The following C9orf40 variants were observed in gnomAD, a reference collection of about 807,000 sequenced individuals.
C9orf40 encodes the protein uncharacterized protein C9orf40.
C9orf40 carries 2 observed loss-of-function variants against 7.9 expected under a neutral mutation model. That is an observed-to-expected ratio of 0.25 (90% CI 0.10 to 0.80). C9orf40 has a LOEUF of 0.80. Among genes scored for constraint, C9orf40 ranks in the 30% least tolerant of loss-of-function variants. C9orf40 has a pLI of 0.68. For synonymous variants in C9orf40, 113 were observed against 117.6 expected, an observed-to-expected ratio of 0.96 and a Z score of 0.25; for missense variants, 256 against 268.5, an observed-to-expected ratio of 0.95 and a Z score of 0.33.
rs1832312349 is a variant in C9orf40, at chr9:74,952,341, C to T, written c.271G>A (p.Gly91Ser). 1 of 1,518,124 alleles carries T rather than the reference C, an allele frequency of 6.6e-7. No homozygotes were observed. The highest frequency in any genetic ancestry group is 8.8e-7 in the Non-Finnish European group (1 of 1,141,402). The allele number at this position is 1,518,124 out of a possible 1,614,324, so 94.0% of individuals were successfully genotyped here. A position where few individuals can be genotyped will look rare whatever the true frequency, so the allele number is the denominator to read the frequency against. Residue 91 changes from glycine to serine, a missense_variant, in exon 1 of 2, where the codon GGT becomes AGT. Physicochemically the swap from Gly to Ser is moderately conservative, Grantham distance 56. Coordinates refer to ENST00000376854, the MANE Select transcript of C9orf40 (RefSeq NM_017998.3). This position sits in a 1 kb window ranked among gnomAD's most constrained non-coding sequence, Gnocchi z 5.4. ...AGCGGCGGATCGCCTGTCTCCAGAC[C>T]GTGGTCCTCACGCTCCTGGCCGCTC... is the stretch of plus-strand genomic sequence containing the variant. ...APSGQEREDHGLETGDPPLPP... is the reference protein window; with the variant it reads ...APSGQEREDHSLETGDPPLPP...
In C9orf40 at chr9:74,952,495, C is replaced by G; in HGVS notation, c.117G>C (p.Gly39=). 6.3e-7 allele frequency: 1 copy of G among 1,595,138 alleles called. No homozygotes were observed. The highest frequency in any genetic ancestry group is 1.3e-5 in the African/African-American group (1 of 74,464). The part of the protein sequence containing the change: ...PPPPLWIRPP[G]VAHAGQLLGV... The stretch of plus-strand genomic sequence containing the variant: ...CGAGGAGCTGCCCAGCATGCGCGAC[C>G]CCGGGCGGCCGGATCCAGAGAGGCG... The change falls in exon 1 of 2, where the codon GGG becomes GGC. Residue 39 remains glycine, a synonymous_variant. Transcript: ENST00000376854. The surrounding 1 kb of genome is among the most constrained non-coding windows in gnomAD (Gnocchi z 5.4).
In C9orf40 at chr9:74,948,047, A is replaced by G. The variant is rs748288518; in HGVS notation, c.*1T>C. On this transcript the variant is annotated 3_prime_UTR_variant, in exon 2 of 2. Coordinates refer to ENST00000376854, the MANE Select transcript of C9orf40 (RefSeq NM_017998.3). The stretch of plus-strand genomic sequence containing the variant: ...CAATCCCACTGCTTCGGCTCCTTAC[A>G]TCAGGACTCCATGTCAACCTCAGCC... 19 of 1,613,384 alleles carry G rather than the reference A, an allele frequency of 1.2e-5. No homozygotes were observed. Among genetic ancestry groups the G allele is most frequent in the African/African-American group, 1.3e-5 (1 of 75,010 alleles).
rs1171042912 is a variant in C9orf40 at position 74,952,633 on chromosome 9, G to T, written c.-22C>A. ...CCATGGGCCCAGAGGCTCGGGCGGA[G>T]CCCGCCAGGCGCGGGAGACCGAGTG... On this transcript the variant is annotated 5_prime_UTR_variant, in exon 1 of 2. Coordinates refer to ENST00000376854, the MANE Select transcript of C9orf40 (RefSeq NM_017998.3). This position sits in a 1 kb window ranked among gnomAD's most constrained non-coding sequence, Gnocchi z 5.4. 2 of 1,527,156 alleles carry T rather than the reference G, an allele frequency of 1.3e-6. No individual in the cohort carries two copies. The highest frequency in any genetic ancestry group is 4.1e-5 in the Admixed American group (2 of 48,852). The allele number at this position is 1,527,156 out of a possible 1,614,324, so 94.6% of individuals were successfully genotyped here. A position where few individuals can be genotyped will look rare whatever the true frequency, so the allele number is the denominator to read the frequency against.
Position 74,947,080 on chromosome 9 carries a change from C to T in C9orf40, c.*968G>A, listed in dbSNP as rs533292150. 7.9e-5 allele frequency: 12 copies of T among 152,422 alleles called. No homozygotes were observed. Among genetic ancestry groups the T allele is most frequent in the Admixed American group, 3.3e-4 (5 of 15,300 alleles). 9.4% of individuals were successfully genotyped at this position (152,422 alleles called of 1,614,324 possible). A position where few individuals can be genotyped will look rare whatever the true frequency, so the allele number is the denominator to read the frequency against. ...AGCTAATTAAGAAGCATTGCTTCAG[C>T]TCAAATTAGTTATCTCCTTTAAACA... On this transcript the variant is annotated 3_prime_UTR_variant, in exon 2 of 2. Coordinates refer to ENST00000376854, the MANE Select transcript of C9orf40 (RefSeq NM_017998.3).
At chr9:74,951,875 A>G (rs1201069473) in intron 1 of C9orf40, among the ~76,000 whole-genome samples, 1 of 152,190 alleles carries the variant, frequency 6.6e-6, no homozygotes, top group Non-Finnish European at 1.5e-5. Context: ...CGTTCTCGCC[A>G]TGCTCACAGC....
In C9orf40 at chr9:74,952,585, C is replaced by T; in HGVS notation, c.27G>A (p.Pro9=). MAKRRAAE[P]VTFHVPWKRL... Reference sequence around the variant, plus strand: ...GCTTCCAAGGCACGTGGAACGTCACCGGCTCGGCCGCACGCCGCTTGGCCA... The same window carrying T: ...GCTTCCAAGGCACGTGGAACGTCACTGGCTCGGCCGCACGCCGCTTGGCCA... The change falls in exon 1 of 2, where the codon CCG becomes CCA. Residue 9 remains proline (P), a synonymous_variant. Transcript: ENST00000376854. This position sits in a 1 kb window ranked among gnomAD's most constrained non-coding sequence, Gnocchi z 5.4. The T allele has an allele frequency of 1.3e-6, 2 of 1,573,990 alleles. No individual in the cohort carries two copies. Among genetic ancestry groups the T allele is most frequent in the Non-Finnish European group, 1.7e-6 (2 of 1,170,266 alleles).
rs1832326872 is a variant in C9orf40 at position 74,952,895 on chromosome 9, CGTGCGCGCGCGCACT to C, written c.-299_-285del. 4.9e-6 allele frequency: 2 copies of C among 409,222 alleles called. No homozygotes were observed. Among genetic ancestry groups the C allele is most frequent in the Admixed American group, 4.6e-5 (1 of 21,638 alleles). 25.3% of individuals were successfully genotyped at this position (409,222 alleles called of 1,614,324 possible). On this transcript the variant is annotated 5_prime_UTR_variant, in exon 1 of 2. Transcript: ENST00000376854. The surrounding 1 kb of genome is among the most constrained non-coding windows in gnomAD (Gnocchi z 5.4). ...GGCGGAGATTCGAACCTGCGCACAA[CGTGCGCGCGCGCACT>C]CTGTCTGGCCAGGCGGAGCCGCTGG... is the stretch of plus-strand genomic sequence containing the variant.
chr9:74,952,271 C>G lies in C9orf40; in HGVS notation c.341G>C (p.Gly114Ala), dbSNP rs1161036209. Reference protein sequence around the residue: ...VLPGPGEELPGARLPGGGGDD... With the variant: ...VLPGPGEELPAARLPGGGGDD... ...GCCACCGCCCCCCGGGAGCCGGGCG[C>G]CCGGGAGCTCCTCCCCCGGCCCCGG... The change falls in exon 1 of 2, where the codon GGC (glycine) becomes GCC (alanine). Residue 114 changes from glycine (G) to alanine (A), a missense_variant. Physicochemically the swap from Gly to Ala is moderately conservative, Grantham distance 60. Transcript: ENST00000376854. The surrounding 1 kb of genome is among the most constrained non-coding windows in gnomAD (Gnocchi z 5.4). 1.1e-5 allele frequency: 14 copies of G among 1,278,080 alleles called. No individual in the cohort carries two copies. Among genetic ancestry groups the G allele is most frequent in the Admixed American group, 8.4e-5 (2 of 23,804 alleles). The allele number at this position is 1,278,080 out of a possible 1,614,324, so 79.2% of individuals were successfully genotyped here. A position where few individuals can be genotyped will look rare whatever the true frequency, so the allele number is the denominator to read the frequency against.
At chr9:74,949,621 G>A (rs1402978994) in intron 1 of C9orf40, among the ~76,000 whole-genome samples, 2 of 152,114 alleles carry the variant, frequency 1.3e-5, no homozygotes, top group African/African-American at 4.8e-5. Context: ...AAGTCCCAAG[G>A]GTGAGGGCTG....
At chr9:74,951,200 C>G (rs536665828) in intron 1 of C9orf40, among the ~76,000 whole-genome samples, 2 of 152,164 alleles carry the variant, frequency 1.3e-5, no homozygotes, top group South Asian at 2.1e-4. Flanking sequence ...TTCTTACATG[C>G]AGAGATGAGG....
rs1050319113 is a variant in C9orf40 at position 74,952,862 on chromosome 9, C to T, written c.-251G>A. ...TGCGGCCCGGACGTTGAGAAGCAAC[C>T]GCGAAGCGGCGGAGATTCGAACCTG... On this transcript the variant is annotated 5_prime_UTR_variant, in exon 1 of 2. Coordinates refer to ENST00000376854, the MANE Select transcript of C9orf40 (RefSeq NM_017998.3). This position sits in a 1 kb window ranked among gnomAD's most constrained non-coding sequence, Gnocchi z 5.4. 32 of 463,876 alleles carry T rather than the reference C, an allele frequency of 6.9e-5. 1 individual carries two copies. The Middle Eastern group carries it at 4.9e-3, about 72-fold the overall frequency. 28.7% of individuals were successfully genotyped at this position (463,876 alleles called of 1,614,324 possible).
rs1238001782 is a variant in C9orf40 at position 74,952,377 on chromosome 9, T to A, written c.235A>T (p.Asn79Tyr). Reference protein sequence around the residue: ...SPSKRRDSGDNSAPSGQERED... With the variant: ...SPSKRRDSGDYSAPSGQERED... ...CGCTCCTGGCCGCTCGGGGCGCTGT[T>A]GTCCCCGCTGTCACGGCGCTTGCTG... is the stretch of plus-strand genomic sequence containing the variant. The change falls in exon 1 of 2, where the codon AAC (asparagine) becomes TAC (tyrosine). Residue 79 changes from asparagine to tyrosine, a missense_variant. By Grantham distance (143) the Asn-to-Tyr change is moderately radical. Coordinates refer to ENST00000376854, the MANE Select transcript of C9orf40 (RefSeq NM_017998.3). This position sits in a 1 kb window ranked among gnomAD's most constrained non-coding sequence, Gnocchi z 5.4. The A allele has an allele frequency of 3.2e-6, 5 of 1,569,528 alleles. No individual in the cohort carries two copies. Among genetic ancestry groups the A allele is most frequent in the Non-Finnish European group, 4.3e-6 (5 of 1,166,370 alleles).
chr9:74,950,610 T>G (rs1832285182), intron 1 of C9orf40, among the ~76,000 whole-genome samples: 2 of 150,722 alleles, frequency 1.3e-5, no homozygotes, highest in Non-Finnish European at 3.0e-5. Flanking sequence ...AAAAAAAAAG[T>G]CTTTCCCAAC....
rs752081378 is a variant in C9orf40 at position 74,952,590 on chromosome 9, C to T, written c.22G>A (p.Glu8Lys). 2 of 1,572,066 alleles carry T rather than the reference C, an allele frequency of 1.3e-6. No individual in the cohort carries two copies. The highest frequency in any genetic ancestry group is 2.7e-5 in the African/African-American group (2 of 73,390). Residue 8 changes from glutamate (E) to lysine (K), a missense_variant, in exon 1 of 2, where the codon GAG (glutamate) becomes AAG (lysine). Coordinates refer to ENST00000376854, the MANE Select transcript of C9orf40 (RefSeq NM_017998.3). The surrounding 1 kb of genome is among the most constrained non-coding windows in gnomAD (Gnocchi z 5.4). ...CAAGGCACGTGGAACGTCACCGGCTCGGCCGCACGCCGCTTGGCCATGGGC... is the reference window on the plus strand; with the variant it reads ...CAAGGCACGTGGAACGTCACCGGCTTGGCCGCACGCCGCTTGGCCATGGGC... MAKRRAA[E>K]PVTFHVPWKR...
intron 1 of C9orf40, 108 bp from the exon 2 acceptor site, chr9:74,948,314 T>A: frequency 1.5e-6 from 1 of 664,752 alleles, no homozygotes. Flanking sequence ...GATTTTGTAA[T>A]CTTCTATTTT....
intron 1 of C9orf40, among the ~76,000 whole-genome samples, chr9:74,951,420 T>A (rs1832294726): frequency 1.3e-5 from 2 of 152,026 alleles, no homozygotes; most frequent in Admixed American, 1.3e-4. Flanking sequence ...GCCTCCCGAG[T>A]AGCTGTGATT....
chr9:74,949,383 A>T (rs185619922), intron 1 of C9orf40, among the ~76,000 whole-genome samples: 2 of 152,248 alleles, frequency 1.3e-5, no homozygotes, highest in Non-Finnish European at 1.5e-5. Flanking sequence ...AAACAAATAA[A>T]CAAGAAACTA....
chr9:74,951,286 CTTTCTTTTCT>C (rs755812814), intron 1 of C9orf40, among the ~76,000 whole-genome samples: 1 of 134,536 alleles, frequency 7.4e-6, no homozygotes, highest in African/African-American at 2.7e-5. Flanking sequence ...TTTCTTTTTT[CTTTCTTTTCT>C]TTTCTTTTTT....
At chr9:74,948,289 G>T in intron 1 of C9orf40, 83 bp from the exon 2 acceptor site, 2 of 898,644 alleles carry the variant, frequency 2.2e-6, no homozygotes, top group Non-Finnish European at 1.7e-6. Flanking sequence ...TTGTTTTAAA[G>T]GCAAACTCAT....
Sources: allele counts gnomAD v4.1 joint callset (sites outside exome capture counted in the v4.1 genomes callset), GRCh38; gene constraint gnomAD v4.1.1; non-coding constraint Gnocchi (gnomAD v3.1); transcripts MANE v1.5; gene names NCBI Gene and HGNC (gene_info 2026-07-23, HGNC 2026-07-21).